FGFR4: variants seen among roughly 807,000 people sequenced by gnomAD.
FGFR4 encodes fibroblast growth factor receptor 4, also known as hydroxyaryl-protein kinase.
A neutral mutation model predicts 89.9 loss-of-function variants in FGFR4; 63 were observed. The observed-to-expected ratio is 0.70, with a 90% CI of 0.57 to 0.86. The LOEUF is 0.86. Ranked by LOEUF, FGFR4 falls within the 40% of genes least tolerant of loss-of-function variation. The pLI is 0.00. For missense variants in FGFR4, 928 were observed against 1,106.7 expected (o/e 0.84, Z 2.29); for synonymous variants, 486 against 479.4 (o/e 1.01, Z -0.18).
At chr5:177,094,101 G>T (rs1258572766) in intron 11 of FGFR4, among the ~76,000 whole-genome samples, 2 of 151,936 alleles carry the variant, frequency 1.3e-5, no homozygotes, top group African/African-American at 4.8e-5. Context: ...AAAATAAAAG[G>T]TGAACGTGGC....
rs1784400727 is a variant in FGFR4 at position 177,092,465 on chromosome 5, G to A, written c.872G>A (p.Gly291Asp). The change falls in exon 7 of 18, where the codon GGC becomes GAC. Residue 291 changes from glycine (G) to aspartate (D), a missense_variant. By Grantham distance (94) the Gly-to-Asp change is moderately conservative. Transcript: ENST00000292408. ...TGGCTGAAGCACATCGTCATCAACG[G>A]CAGCAGCTTCGGAGCCGACGGTTTC... ...IQWLKHIVIN[G>D]SSFGADGFPY... The A allele has an allele frequency of 1.3e-6, 2 of 1,599,624 alleles. No homozygotes were observed. Among genetic ancestry groups the A allele is most frequent in the Admixed American group, 3.5e-5 (2 of 57,750 alleles).
In FGFR4 at chr5:177,095,175, C is replaced by T. The variant is rs755255752; in HGVS notation, c.1520-155C>T. On this transcript the variant is annotated intron_variant, in intron 11 of 17. Coordinates refer to ENST00000292408, the MANE Select transcript of FGFR4 (RefSeq NM_213647.3). This position sits in a 1 kb window ranked among gnomAD's most constrained non-coding sequence, Gnocchi z 5.7. ...ACAAGACGAACCTGAGGTTCAGAGA[C>T]GCTAGGAGACTTTTTCAAGGCCACA... 1.1e-4 allele frequency: 72 copies of T among 657,144 alleles called. No individual in the cohort carries two copies. In the Middle Eastern group the frequency reaches 1.2e-3, roughly 11 times the overall value. The allele number at this position is 657,144 out of a possible 1,614,324, so 40.7% of individuals were successfully genotyped here.
chr5:177,090,457 G>T lies in FGFR4; in HGVS notation c.159G>T (p.Val53=). The change falls in exon 3 of 18, where the codon GTG becomes GTT. Residue 53 remains valine (V), a synonymous_variant. Coordinates refer to ENST00000292408, the MANE Select transcript of FGFR4 (RefSeq NM_213647.3). The part of the protein sequence containing the change: ...QELTVALGQP[V]RLCCGRAERG... ...TGACAGTAGCCCTTGGGCAGCCTGT[G>T]CGTCTGTGCTGTGGGCGGGCTGAGC... 6.2e-7 allele frequency: 1 copy of T among 1,604,612 alleles called. No homozygotes were observed. The highest frequency in any genetic ancestry group is 8.5e-7 in the Non-Finnish European group (1 of 1,177,186).
At position 177,095,627 on chromosome 5, in the gene FGFR4, C is replaced by G. The variant is rs759061465; in HGVS notation, c.1725C>G (p.Asp575Glu). 1.2e-6 allele frequency: 2 copies of G among 1,605,676 alleles called. No individual in the cohort carries two copies. The highest frequency in any genetic ancestry group is 1.7e-6 in the Non-Finnish European group (2 of 1,177,292). The change falls in exon 13 of 18, where the codon GAC becomes GAG. Residue 575 changes from aspartate to glutamate, a missense_variant. Transcript: ENST00000292408. The surrounding 1 kb of genome is among the most constrained non-coding windows in gnomAD (Gnocchi z 5.7). ...RRPPGPDLSP[D>E]GPRSSEGPLS... ...CCCCAGGCCCCGACCTCAGCCCCGACGGTCCTCGGAGCAGTGAGGGGCCGC... is the reference window on the plus strand; with the variant it reads ...CCCCAGGCCCCGACCTCAGCCCCGAGGGTCCTCGGAGCAGTGAGGGGCCGC...
intron 17 of FGFR4, 40 bp downstream of exon 17, chr5:177,097,437 C>G: frequency 2.5e-6 from 4 of 1,604,894 alleles, no homozygotes; most frequent in Non-Finnish European, 3.4e-6. Flanking sequence ...CTGCCTGCTC[C>G]CCTCCAGGCC....
In FGFR4 at chr5:177,093,256, G is replaced by A. The variant is rs1160961213; in HGVS notation, c.1176G>A (p.Gly392=). 1 of 1,613,024 alleles carries A rather than the reference G, an allele frequency of 6.2e-7. No individual in the cohort carries two copies. The highest frequency in any genetic ancestry group is 1.3e-5 in the African/African-American group (1 of 75,016). The change falls in exon 9 of 18, where the codon GGG becomes GGA. Residue 392 remains glycine (G), a synonymous_variant. Coordinates refer to ENST00000292408, the MANE Select transcript of FGFR4 (RefSeq NM_213647.3). This position sits in a 1 kb window ranked among gnomAD's most constrained non-coding sequence, Gnocchi z 5.8. ...TGCTGCTGGCCGGGCTGTATCGAGG[G>A]CAGGCGCTCCACGGCCGGCACCCCC... ...VLLLLAGLYR[G]QALHGRHPRP... is the part of the protein sequence containing the mutation.
chr5:177,092,032 C>T (rs752236360), intron 6 of FGFR4, among the ~76,000 whole-genome samples: 8 of 152,278 alleles, frequency 5.3e-5, no homozygotes, highest in Non-Finnish European at 8.8e-5. Context: ...GCAGCCCGAG[C>T]GGAGGGCCTG....
rs1450496932 is a variant in FGFR4, at chr5:177,092,793, C to T, written c.1057+9C>T. On this transcript the variant is annotated intron_variant, in intron 8 of 17. Coordinates refer to ENST00000292408, the MANE Select transcript of FGFR4 (RefSeq NM_213647.3). ...GCTCACGGTGCTGCCAGGTGAGCAC[C>T]TGAAGGGCCAGGAGATGCTGCGAGA... The T allele has an allele frequency of 6.2e-7, 1 of 1,614,220 alleles. No individual in the cohort carries two copies. The highest frequency in any genetic ancestry group is 2.2e-5 in the East Asian group (1 of 44,886).
intron 7 of FGFR4, 54 bp from the exon 8 acceptor site, chr5:177,092,592 C>T: frequency 6.4e-7 from 1 of 1,572,894 alleles, no homozygotes; most frequent in East Asian, 2.3e-5. Context: ...TCCCTGTTGG[C>T]CACAGTGTGG....
At position 177,093,251 on chromosome 5, in the gene FGFR4, C is replaced by G. The variant is rs373745683; in HGVS notation, c.1171C>G (p.Arg391Gly). The G allele has an allele frequency of 1.2e-6, 2 of 1,612,764 alleles. No individual in the cohort carries two copies. Among genetic ancestry groups the G allele is most frequent in the East Asian group, 2.2e-5 (1 of 44,852 alleles). The stretch of plus-strand genomic sequence containing the variant: ...GCTCCTGCTGCTGGCCGGGCTGTAT[C>G]GAGGGCAGGCGCTCCACGGCCGGCA... Reference protein sequence around the residue: ...AVLLLLAGLYRGQALHGRHPR... With the variant: ...AVLLLLAGLYGGQALHGRHPR... Residue 391 changes from arginine (R) to glycine (G), a missense_variant, in exon 9 of 18, where the codon CGA (arginine) becomes GGA (glycine). Arg to Gly is a moderately radical substitution (Grantham distance 125, BLOSUM62 -2). Transcript: ENST00000292408. The surrounding 1 kb of genome is among the most constrained non-coding windows in gnomAD (Gnocchi z 5.8).
chr5:177,087,724 T>C lies in FGFR4; in HGVS notation c.-54+647T>C. ...GCCCTCCCTGCCAAGCCGAGCTTGG[T>C]AGGGAGTTTTACCAAGGAGGATCCG... On this transcript the variant is annotated intron_variant, in intron 1 of 17. Coordinates refer to ENST00000292408, the MANE Select transcript of FGFR4 (RefSeq NM_213647.3). The surrounding 1 kb of genome is among the most constrained non-coding windows in gnomAD (Gnocchi z 6.1). 3 of 828,746 alleles carry C rather than the reference T, an allele frequency of 3.6e-6. No individual in the cohort carries two copies. The highest frequency in any genetic ancestry group is 4.4e-6 in the Non-Finnish European group (3 of 687,376). The allele number at this position is 828,746 out of a possible 1,614,324, so 51.3% of individuals were successfully genotyped here. A position where few individuals can be genotyped will look rare whatever the true frequency, so the allele number is the denominator to read the frequency against.
Position 177,095,864 on chromosome 5 carries a change from C to T in FGFR4, c.1821+141C>T, listed in dbSNP as rs1025360460. 3 of 1,244,516 alleles carry T rather than the reference C, an allele frequency of 2.4e-6. No individual in the cohort carries two copies. Among genetic ancestry groups the T allele is most frequent in the African/African-American group, 3.0e-5 (2 of 66,040 alleles). 77.1% of individuals were successfully genotyped at this position (1,244,516 alleles called of 1,614,324 possible). On this transcript the variant is annotated intron_variant, in intron 13 of 17. Transcript: ENST00000292408. This position sits in a 1 kb window ranked among gnomAD's most constrained non-coding sequence, Gnocchi z 5.7. ...GTCCCCAGGCATTCACGCTTTCCTG[C>T]ATTCCCCACTCGTTCCTCACCCTTC...
rs1250147223 is a variant in FGFR4 at position 177,093,632 on chromosome 5, G to C, written c.1398-22G>C. The stretch of plus-strand genomic sequence containing the variant: ...CGCAGGAGTGACTCGGAGGTCTGAG[G>C]CTGGACTTTCTCCATCTCCAGGCTG... On this transcript the variant is annotated intron_variant, in intron 10 of 17. Transcript: ENST00000292408. This position sits in a 1 kb window ranked among gnomAD's most constrained non-coding sequence, Gnocchi z 5.8. 6.2e-7 allele frequency: 1 copy of C among 1,614,142 alleles called. No individual in the cohort carries two copies. The highest frequency in any genetic ancestry group is 1.7e-5 in the Admixed American group (1 of 60,022).
rs1386472920 is a variant in FGFR4 at position 177,087,582 on chromosome 5, G to A, written c.-54+505G>A. The A allele has an allele frequency of 3.0e-6, 3 of 985,400 alleles. No individual in the cohort carries two copies. The highest frequency in any genetic ancestry group is 3.6e-6 in the Non-Finnish European group (3 of 830,044). 61.0% of individuals were successfully genotyped at this position (985,400 alleles called of 1,614,324 possible). ...CCCACGTGGGGGGTGGTCGGTCAGC[G>A]GTCAGCAGCCATGGGTGACTCGACT... On this transcript the variant is annotated intron_variant, in intron 1 of 17. Transcript: ENST00000292408. This position sits in a 1 kb window ranked among gnomAD's most constrained non-coding sequence, Gnocchi z 6.1.
In FGFR4 at chr5:177,092,696, G is replaced by A. The variant is rs1323224382; in HGVS notation, c.969G>A (p.Val323=). ...TGGAGGTCCTGTACCTGCGGAACGT[G>A]TCAGCCGAGGACGCAGGCGAGTACA... ...SEVEVLYLRN[V]SAEDAGEYTC... is the part of the protein sequence containing the mutation. The change falls in exon 8 of 18, where the codon GTG becomes GTA. Residue 323 remains valine, a synonymous_variant. Coordinates refer to ENST00000292408, the MANE Select transcript of FGFR4 (RefSeq NM_213647.3). The A allele has an allele frequency of 6.2e-7, 1 of 1,613,938 alleles. No individual in the cohort carries two copies. Among genetic ancestry groups the A allele is most frequent in the Non-Finnish European group, 8.5e-7 (1 of 1,179,884 alleles).
At position 177,097,924 on chromosome 5, in the gene FGFR4, G is replaced by T. The variant is rs1268696578; in HGVS notation, c.*248G>T. ...CCCATCCCGGGTTTGGCTGAGCCTG[G>T]CTGGAGAGCTGCTATGCTAAACCTC... On this transcript the variant is annotated 3_prime_UTR_variant, in exon 18 of 18. Transcript: ENST00000292408. The T allele has an allele frequency of 2.5e-5, 11 of 442,048 alleles. No homozygotes were observed. The highest frequency in any genetic ancestry group is 3.6e-5 in the Non-Finnish European group (9 of 248,788). 27.4% of individuals were successfully genotyped at this position (442,048 alleles called of 1,614,324 possible). A position where few individuals can be genotyped will look rare whatever the true frequency, so the allele number is the denominator to read the frequency against.
At position 177,092,403 on chromosome 5, in the gene FGFR4, G is replaced by T. The variant is rs150411031; in HGVS notation, c.810G>T (p.Leu270=). 3.7e-5 allele frequency: 59 copies of T among 1,609,428 alleles called. No individual in the cohort carries two copies. In the African/African-American group the frequency reaches 6.9e-4, roughly 19 times the overall value. ...TAVVGSDVEL[L]CKVYSDAQPH... Reference sequence around the variant, plus strand: ...TGGTGGGCAGCGACGTGGAGCTGCTGTGCAAGGTGTACAGCGATGCCCAGC... The same window carrying T: ...TGGTGGGCAGCGACGTGGAGCTGCTTTGCAAGGTGTACAGCGATGCCCAGC... Residue 270 remains leucine (L), a synonymous_variant, in exon 7 of 18, where the codon CTG becomes CTT. Transcript: ENST00000292408.
rs1488339894 is a variant in FGFR4 at position 177,096,194 on chromosome 5, G to A, written c.1944+15G>A. On this transcript the variant is annotated intron_variant, in intron 14 of 17. Transcript: ENST00000292408. Reference sequence around the variant, plus strand: ...AAACCAGCAACGTGAGGGAGATGGGGCAGAACTGGATGGGGGTGGAGGGGC... The same window carrying A: ...AAACCAGCAACGTGAGGGAGATGGGACAGAACTGGATGGGGGTGGAGGGGC... The A allele has an allele frequency of 6.2e-7, 1 of 1,613,772 alleles. No individual in the cohort carries two copies. The highest frequency in any genetic ancestry group is 2.2e-5 in the East Asian group (1 of 44,876).
In FGFR4 at chr5:177,095,415, C is replaced by T. The variant is rs1057519792; in HGVS notation, c.1605C>T (p.Asn535=). ...KLIGRHKNII[N]LLGVCTQEGP... ...TCGGCCGACACAAGAACATCATCAACCTGCTTGGTGTCTGCACCCAGGAAG... is the reference window on the plus strand; with the variant it reads ...TCGGCCGACACAAGAACATCATCAATCTGCTTGGTGTCTGCACCCAGGAAG... The change falls in exon 12 of 18, where the codon AAC becomes AAT. Residue 535 remains asparagine, a synonymous_variant. Transcript: ENST00000292408. The surrounding 1 kb of genome is among the most constrained non-coding windows in gnomAD (Gnocchi z 5.7). 2 of 1,614,102 alleles carry T rather than the reference C, an allele frequency of 1.2e-6. No homozygotes were observed. Among genetic ancestry groups the T allele is most frequent in the Non-Finnish European group, 1.7e-6 (2 of 1,180,048 alleles).
Sources: gnomAD v4.1 joint callset for allele counts (sites outside exome capture counted in the v4.1 genomes callset) on GRCh38, gnomAD v4.1.1 for gene constraint, Gnocchi (gnomAD v3.1) non-coding constraint, MANE v1.5 for transcripts, NCBI Gene and HGNC (gene_info 2026-07-23, HGNC 2026-07-21) for gene names.